The following KANSL2 variants were observed in gnomAD, a reference collection of about 807,000 sequenced individuals.
KANSL2 encodes the protein NSL complex protein NSL2.
Under a neutral mutation model 55.6 loss-of-function variants are expected in KANSL2, and 34 were observed. The observed-to-expected ratio is 0.61, with a 90% CI of 0.46 to 0.81. KANSL2 has a LOEUF of 0.81. KANSL2 is among the 40% of genes least tolerant of loss of function. The pLI, the probability that KANSL2 is intolerant of heterozygous loss-of-function variation, is 0.00. For synonymous variants in KANSL2, 209 were observed against 214.3 expected, an observed-to-expected ratio of 0.98 and a Z score of 0.22; for missense variants, 502 against 609.9, an observed-to-expected ratio of 0.82 and a Z score of 1.86.
chr12:48,665,286 C>T (rs544227389), intron 7 of KANSL2, among the ~76,000 whole-genome samples: 147 of 152,224 alleles, frequency 9.7e-4, no homozygotes, highest in African/African-American at 3.0e-3. Context: ...AATAAGTGGC[C>T]GGGCGCTGTG....
In KANSL2 at chr12:48,669,122, T is replaced by C. The variant is rs369105510; in HGVS notation, c.860A>G (p.Asp287Gly). ...QLKERRMLAT[D>G]GAAQQAHTTR... is the part of the protein sequence containing the mutation. ...ACAAATTACCTGTTGGGCAGCACCA[T>C]CTGTGGCCAGCATTCTCCGTTCCTT... The change falls in exon 6 of 10, where the codon GAT becomes GGT. Residue 287 changes from aspartate to glycine, a missense_variant. By Grantham distance (94) the Asp-to-Gly change is moderately conservative. Transcript: ENST00000420613. The C allele has an allele frequency of 3.2e-6, 5 of 1,548,200 alleles. No homozygotes were observed. Among genetic ancestry groups the C allele is most frequent in the South Asian group, 1.2e-5 (1 of 83,530 alleles).
intron 4 of KANSL2, among the ~76,000 whole-genome samples, chr12:48,673,826 C>T (rs115876156): frequency 0.011 from 1,726 of 151,982 alleles, 26 homozygotes; most frequent in African/African-American, 0.028. Flanking sequence ...TGGTGTATAC[C>T]TGTAGTCCCA....
rs372786876 is a variant in KANSL2, at chr12:48,660,604, G to A, written c.989C>T (p.Thr330Met). ...RHCLTHICQD[T>M]NQVLFKCCQG... ...GCAGCACTTGAAGAGAACCTGATTC[G>A]TATCCTGACAAATATCTGTAGAAAA... is the stretch of plus-strand genomic sequence containing the variant. Residue 330 changes from threonine to methionine, a missense_variant, in exon 8 of 10, where the codon ACG (threonine) becomes ATG (methionine). Transcript: ENST00000420613. 1.0e-4 allele frequency: 166 copies of A among 1,612,138 alleles called. No individual in the cohort carries two copies. The highest frequency in any genetic ancestry group is 1.3e-4 in the Non-Finnish European group (154 of 1,178,976).
At chr12:48,662,161 G>A (rs1007886477) in intron 7 of KANSL2, among the ~76,000 whole-genome samples, 5 of 152,218 alleles carry the variant, frequency 3.3e-5, no homozygotes, top group Non-Finnish European at 5.9e-5. Flanking sequence ...CTAGAATGCA[G>A]TGGCGTGATC....
At chr12:48,669,531 T>C (rs1939667514) in intron 5 of KANSL2, among the ~76,000 whole-genome samples, 1 of 152,070 alleles carries the variant, frequency 6.6e-6, no homozygotes, top group Non-Finnish European at 1.5e-5. Context: ...ATTTTTTTTT[T>C]TTTTGAGGCA....
chr12:48,681,863 T>C (rs1565611201), intron 1 of KANSL2: 1 of 705,142 alleles, frequency 1.4e-6, no homozygotes, highest in Non-Finnish European at 2.6e-6. Flanking sequence ...CACACCACGC[T>C]GAATGTATCT....
chr12:48,677,668 C>T (rs1334584095), intron 4 of KANSL2, among the ~76,000 whole-genome samples: 1 of 150,432 alleles, frequency 6.6e-6, no homozygotes, highest in Admixed American at 6.7e-5. Context: ...ATAATCCCAG[C>T]TACTTGGGAG....
intron 7 of KANSL2, among the ~76,000 whole-genome samples, chr12:48,666,326 C>T (rs1939598509): frequency 2.0e-5 from 3 of 151,254 alleles, no homozygotes; most frequent in Admixed American, 6.6e-5. Flanking sequence ...AAAGGACTGG[C>T]AGACTGCTTA....
Position 48,682,213 on chromosome 12 carries a change from T to C in KANSL2, c.-36A>G, listed in dbSNP as rs1033050630. ...TCAGGAGCTGCGCTGCGCCGCACTC[T>C]GCCGCGCCGCTCGCCCTTCTCTAGT... On this transcript the variant is annotated 5_prime_UTR_variant, in exon 1 of 10. Transcript: ENST00000420613. 46 of 650,742 alleles carry C rather than the reference T, an allele frequency of 7.1e-5. No individual in the cohort carries two copies. Among genetic ancestry groups the C allele is most frequent in the Admixed American group, 1.2e-4 (5 of 42,396 alleles). 40.3% of individuals were successfully genotyped at this position (650,742 alleles called of 1,614,324 possible).
chr12:48,673,275 T>A (rs1208786893), intron 4 of KANSL2, among the ~76,000 whole-genome samples: 1 of 152,042 alleles, frequency 6.6e-6, no homozygotes, highest in Non-Finnish European at 1.5e-5. Flanking sequence ...TAAAAGAATA[T>A]CTGGCCAGGC....
chr12:48,682,152 G>T lies in KANSL2; in HGVS notation c.-10+35C>A, dbSNP rs556945133. 5 of 702,136 alleles carry T rather than the reference G, an allele frequency of 7.1e-6. No individual in the cohort carries two copies. In the East Asian group the frequency reaches 1.1e-4, roughly 15 times the overall value. 43.5% of individuals were successfully genotyped at this position (702,136 alleles called of 1,614,324 possible). ...AAAAGAGCGAAATAGCAGCCCAACC[G>T]CAAGAGCTTAGAGGAAAGAGCACCG... On this transcript the variant is annotated intron_variant, in intron 1 of 9. Coordinates refer to ENST00000420613, the MANE Select transcript of KANSL2 (RefSeq NM_017822.4).
chr12:48,654,427 G>C (rs1001146712), intron 9 of KANSL2: 4 of 725,908 alleles, frequency 5.5e-6, no homozygotes, highest in Non-Finnish European at 1.0e-5. Flanking sequence ...TGAGGTCCCA[G>C]AACAGCCAAC....
intron 9 of KANSL2, chr12:48,654,445 A>C: frequency 1.4e-6 from 1 of 704,926 alleles, no homozygotes; most frequent in Admixed American, 1.8e-5. Flanking sequence ...AACAGACCAC[A>C]GGAAGACAGT....
At position 48,671,709 on chromosome 12, in the gene KANSL2, T is replaced by C; in HGVS notation, c.709+90A>G. ...ATGACAAAAATCACCTAACAAAGTATGTATCCCCATCATTAAGTGACACAT... is the reference window on the plus strand; with the variant it reads ...ATGACAAAAATCACCTAACAAAGTACGTATCCCCATCATTAAGTGACACAT... On this transcript the variant is annotated intron_variant, in intron 5 of 9. Transcript: ENST00000420613. 3.1e-6 allele frequency: 4 copies of C among 1,299,084 alleles called. No individual in the cohort carries two copies. The South Asian group carries it at 4.2e-5, about 14-fold the overall frequency. The allele number at this position is 1,299,084 out of a possible 1,614,324, so 80.5% of individuals were successfully genotyped here.
intron 4 of KANSL2, among the ~76,000 whole-genome samples, chr12:48,673,473 T>C (rs1009363087): frequency 6.6e-6 from 1 of 151,532 alleles, no homozygotes; most frequent in African/African-American, 2.4e-5. Flanking sequence ...GGCAGGAGAA[T>C]TGCTTGAACC....
At chr12:48,678,876 A>C (rs2137205363) in intron 4 of KANSL2, among the ~76,000 whole-genome samples, 160 bp downstream of exon 4, 1 of 152,336 alleles carries the variant, frequency 6.6e-6, no homozygotes, top group East Asian at 1.9e-4. Context: ...GCCTTGAAGC[A>C]AGACGACAAT....
chr12:48,671,003 C>T (rs572008111), intron 5 of KANSL2, among the ~76,000 whole-genome samples: 3 of 152,074 alleles, frequency 2.0e-5, no homozygotes, highest in Admixed American at 1.3e-4. Flanking sequence ...GTGGCTCATG[C>T]CTGAAATCCC....
At chr12:48,665,470 G>A (rs1424098166) in intron 7 of KANSL2, among the ~76,000 whole-genome samples, 3 of 152,176 alleles carry the variant, frequency 2.0e-5, no homozygotes, top group Non-Finnish European at 4.4e-5. Flanking sequence ...GGCTGAGGCA[G>A]GAGAATCGCT....
chr12:48,672,433 A>ATATATATATATATTTTT (rs371918890), intron 4 of KANSL2, among the ~76,000 whole-genome samples: 1 of 120,384 alleles, frequency 8.3e-6, no homozygotes, highest in African/African-American at 3.6e-5. Context: ...ATATATATAT[A>ATATATATATATATTTTT]TTTTTTTTTT....
Sources: allele counts gnomAD v4.1 joint callset (sites outside exome capture counted in the v4.1 genomes callset), GRCh38; gene constraint gnomAD v4.1.1; transcripts MANE v1.5; gene names NCBI Gene and HGNC (gene_info 2026-07-23, HGNC 2026-07-21).